The following PSD3 variants were observed in gnomAD, a reference collection of about 807,000 sequenced individuals.
PSD3 encodes the protein pleckstrin and Sec7 domain containing 3, also known as PH and SEC7 domain-containing protein 3.
Under a neutral mutation model 105.5 loss-of-function variants are expected in PSD3, and 49 were observed. The ratio of observed to expected loss-of-function variants is 0.46; its 90% confidence interval spans 0.37 to 0.59. The LOEUF (loss-of-function observed/expected upper bound fraction) is 0.59. Among genes scored for constraint, PSD3 ranks in the 20% least tolerant of loss-of-function variants. The pLI, the probability that PSD3 is intolerant of heterozygous loss-of-function variation, is 0.00. For synonymous variants in PSD3, 557 were observed against 457.8 expected, an observed-to-expected ratio of 1.22 and a Z score of -2.77; for missense variants, 1,561 against 1,263.8, an observed-to-expected ratio of 1.24 and a Z score of -3.57.
intron 1 of PSD3, among the ~76,000 whole-genome samples, chr8:18,960,047 C>T (rs984915996): frequency 3.9e-5 from 6 of 152,174 alleles, no homozygotes; most frequent in Non-Finnish European, 7.3e-5. Flanking sequence ...TACCCATTAT[C>T]GATTCCTTGG....
chr8:18,704,349 C>T (rs1208624236), intron 9 of PSD3, among the ~76,000 whole-genome samples: 1 of 152,046 alleles, frequency 6.6e-6, no homozygotes, highest in African/African-American at 2.4e-5. Context: ...AATAAGAGAA[C>T]CTTTTTTTGT....
chr8:18,723,727 A>G (rs1036262020), intron 9 of PSD3, among the ~76,000 whole-genome samples: 1 of 152,238 alleles, frequency 6.6e-6, no homozygotes, highest in Non-Finnish European at 1.5e-5. Flanking sequence ...AAAGTACGGT[A>G]GCCTTTTTAA....
chr8:18,680,263 G>T (rs544023082), intron 9 of PSD3, among the ~76,000 whole-genome samples: 3 of 152,116 alleles, frequency 2.0e-5, no homozygotes, highest in African/African-American at 7.2e-5. Flanking sequence ...GAGTACAGTT[G>T]GCCCTCCATA....
At chr8:18,744,445 T>C (rs773379013) in intron 9 of PSD3, among the ~76,000 whole-genome samples, 12 of 152,252 alleles carry the variant, frequency 7.9e-5, no homozygotes, top group Non-Finnish European at 1.5e-4. Flanking sequence ...TTAACAACTG[T>C]ATTAATTACA....
At chr8:19,022,617 C>T (rs1827399798) in intron 1 of PSD3, among the ~76,000 whole-genome samples, 1 of 152,196 alleles carries the variant, frequency 6.6e-6, no homozygotes, top group Admixed American at 6.5e-5. Context: ...TTTTCTGGAG[C>T]ATGAGCGAGG....
At chr8:18,647,389 AC>A (rs1808118051) in intron 10 of PSD3, among the ~76,000 whole-genome samples, 1 of 152,228 alleles carries the variant, frequency 6.6e-6, no homozygotes, top group Non-Finnish European at 1.5e-5. Flanking sequence ...ATTAGCAAAT[AC>A]AGCAAATGTT....
chr8:18,708,932 C>T (rs1423271919), intron 9 of PSD3, among the ~76,000 whole-genome samples: 2 of 152,152 alleles, frequency 1.3e-5, no homozygotes, highest in African/African-American at 2.4e-5. Flanking sequence ...ATCATACTAC[C>T]CCACCAGGGA....
chr8:18,700,721 T>C (rs1366958730), intron 9 of PSD3, among the ~76,000 whole-genome samples: 2 of 152,102 alleles, frequency 1.3e-5, no homozygotes, highest in Admixed American at 1.3e-4. Flanking sequence ...TTTTTCAGTC[T>C]TTTTCTTTCC....
intron 2 of PSD3, among the ~76,000 whole-genome samples, chr8:18,910,656 A>AAAAG (rs1563410454): frequency 6.7e-6 from 1 of 149,550 alleles, no homozygotes; most frequent in Non-Finnish European, 1.5e-5. Flanking sequence ...AAAAAAAAAA[A>AAAAG]AAAGAAAAGT....
At chr8:18,673,449 T>A (rs982650521) in intron 9 of PSD3, among the ~76,000 whole-genome samples, 1 of 152,194 alleles carries the variant, frequency 6.6e-6, no homozygotes, top group African/African-American at 2.4e-5. Flanking sequence ...TACGAATCTA[T>A]CTCTATGTCA....
At chr8:18,971,347 C>T (rs1265663527) in intron 1 of PSD3, among the ~76,000 whole-genome samples, 6 of 152,328 alleles carry the variant, frequency 3.9e-5, no homozygotes, top group Middle Eastern at 3.4e-3. Context: ...GCAGCCACCA[C>T]GGCCTCCCCT....
intron 9 of PSD3, among the ~76,000 whole-genome samples, chr8:18,714,172 A>G (rs188824551): frequency 1.4e-4 from 22 of 152,332 alleles, no homozygotes; most frequent in Non-Finnish European, 8.8e-5. Context: ...CAAAACTGGA[A>G]AAACTAGAAG....
chr8:18,725,117 C>G (rs1011895007), intron 9 of PSD3, among the ~76,000 whole-genome samples: 1 of 152,184 alleles, frequency 6.6e-6, no homozygotes, highest in African/African-American at 2.4e-5. Context: ...TACGTATTGG[C>G]TCCCCATCAT....
chr8:18,542,737 T>C (rs761547332), intron 15 of PSD3, among the ~76,000 whole-genome samples: 2 of 152,186 alleles, frequency 1.3e-5, no homozygotes, highest in Non-Finnish European at 2.9e-5. Flanking sequence ...AGACTGGCCT[T>C]AATTCATTCT....
Position 18,872,326 on chromosome 8 carries a change from T to C in PSD3, c.538A>G (p.Thr180Ala), listed in dbSNP as rs763211150. 12 of 1,614,064 alleles carry C rather than the reference T, an allele frequency of 7.4e-6. No homozygotes were observed. In the African/African-American group the frequency reaches 9.3e-5, roughly 13 times the overall value. ...GGGAGCGTTTTGTTGACTCTCTGTG[T>C]TTTACGACTGGCAGTGTCCAGCTCT... is the stretch of plus-strand genomic sequence containing the variant. ...EKELDTASRK[T>A]QRVNKTLPAG... The change falls in exon 3 of 16, where the codon ACA (threonine) becomes GCA (alanine). Residue 180 changes from threonine to alanine, a missense_variant. Thr to Ala is a moderately conservative substitution (Grantham distance 58). Transcript: ENST00000327040.
At chr8:18,790,081 G>C (rs1466434508) in intron 8 of PSD3, among the ~76,000 whole-genome samples, 2 of 152,086 alleles carry the variant, frequency 1.3e-5, no homozygotes, top group Admixed American at 1.3e-4. Flanking sequence ...GGTGGGGAAA[G>C]GGGACAGGTG....
intron 1 of PSD3, among the ~76,000 whole-genome samples, chr8:18,990,165 C>A (rs1825712450): frequency 6.6e-6 from 1 of 152,334 alleles, no homozygotes. Context: ...TCCTTTCTTG[C>A]CCTCTTCAAT....
At chr8:18,968,461 G>T (rs1299709801) in intron 1 of PSD3, among the ~76,000 whole-genome samples, 3 of 152,304 alleles carry the variant, frequency 2.0e-5, no homozygotes, top group Non-Finnish European at 4.4e-5. Context: ...TTCCTATTCT[G>T]AAAGAACCTT....
In PSD3 at chr8:18,759,853, A is replaced by G. The variant is rs150067661; in HGVS notation, c.2172+5596T>C. On this transcript the variant is annotated intron_variant, in intron 9 of 15. Coordinates refer to ENST00000327040, the MANE Select transcript of PSD3 (RefSeq NM_015310.4). ...ATGTAAATACATTTTCAAATGGACA[A>G]TTCATCTCTAAATATATAAATACCT... Among the ~76,000 whole-genome samples the G allele has an allele frequency of 4.6e-3, 698 of 151,930 alleles. 7 individuals are homozygous for G. Among genetic ancestry groups the G allele is most frequent in the East Asian group, 0.029 (151 of 5,140 alleles).
Sources: allele counts gnomAD v4.1 joint callset (sites outside exome capture counted in the v4.1 genomes callset), GRCh38; gene constraint gnomAD v4.1.1; transcripts MANE v1.5; gene names NCBI Gene and HGNC (gene_info 2026-07-23, HGNC 2026-07-21).